Variants in CSMD3 observed in about 807,000 individuals in gnomAD.
CSMD3 encodes the protein CUB and Sushi multiple domains 3.
Under a neutral mutation model 435.2 loss-of-function variants are expected in CSMD3, and 177 were observed. The ratio of observed to expected loss-of-function variants is 0.41; its 90% CI spans 0.36 to 0.46. The LOEUF (loss-of-function observed/expected upper bound fraction) is 0.46, where lower values mean the gene tolerates loss of function less well. Among genes scored for constraint, CSMD3 ranks in the 20% least tolerant of loss-of-function variants. The pLI is 0.34. For synonymous variants in CSMD3, 1,656 were observed against 1,520.5 expected, an observed-to-expected ratio of 1.09 and a Z score of -2.07; for missense variants, 4,265 against 4,504.6, an observed-to-expected ratio of 0.95 and a Z score of 1.52.
intron 3 of CSMD3, among the ~76,000 whole-genome samples, chr8:113,205,664 C>T (rs1207196227): frequency 1.3e-5 from 2 of 152,112 alleles, no homozygotes; most frequent in African/African-American, 4.8e-5. Flanking sequence ...ATAAAACAAC[C>T]TTTTCTCTCT....
intron 20 of CSMD3, among the ~76,000 whole-genome samples, chr8:112,640,946 T>C (rs1285908290): frequency 6.6e-6 from 1 of 152,184 alleles, no homozygotes; most frequent in Non-Finnish European, 1.5e-5. Flanking sequence ...TGTTCTGAAA[T>C]ACATAGAATG....
chr8:112,482,980 C>A (rs1819778222), intron 31 of CSMD3, among the ~76,000 whole-genome samples: 1 of 152,110 alleles, frequency 6.6e-6, no homozygotes, highest in Non-Finnish European at 1.5e-5. Context: ...CATGTCTTTT[C>A]TGCATACTAT....
At chr8:112,338,302 C>T (rs899546538) in intron 42 of CSMD3, among the ~76,000 whole-genome samples, 2 of 152,058 alleles carry the variant, frequency 1.3e-5, no homozygotes, top group Admixed American at 6.6e-5. Flanking sequence ...TTGGGCAATG[C>T]AGTATAATTG....
chr8:112,837,893 TTTAA>T (rs1587440735), intron 11 of CSMD3, among the ~76,000 whole-genome samples: 1 of 151,846 alleles, frequency 6.6e-6, no homozygotes, highest in Non-Finnish European at 1.5e-5. Flanking sequence ...ATATAAAAAC[TTTAA>T]TTAATCTCAA....
intron 50 of CSMD3, among the ~76,000 whole-genome samples, chr8:112,306,667 A>G (rs1304172273): frequency 2.6e-5 from 4 of 152,180 alleles, no homozygotes; most frequent in Admixed American, 2.6e-4. Flanking sequence ...ATTTTACCTG[A>G]AAGCTGGCTA....
At chr8:112,242,694 T>C (rs1031212464) in intron 65 of CSMD3, among the ~76,000 whole-genome samples, 5 of 152,098 alleles carry the variant, frequency 3.3e-5, no homozygotes, top group African/African-American at 4.8e-5. Context: ...GGAAACTATA[T>C]AGATAAAAGA....
intron 1 of CSMD3, among the ~76,000 whole-genome samples, chr8:113,420,712 C>T (rs77559488): frequency 0.023 from 3,423 of 151,988 alleles, 111 homozygotes; most frequent in African/African-American, 0.077. Flanking sequence ...TTTCGGGAGG[C>T]GGAGGCGGAT....
chr8:112,362,322 C>T (rs907825170), intron 38 of CSMD3, among the ~76,000 whole-genome samples: 2 of 151,926 alleles, frequency 1.3e-5, no homozygotes, highest in Admixed American at 6.6e-5. Context: ...GGCAGCAATG[C>T]TTTGGGAACA....
chr8:112,341,440 G>C, intron 42 of CSMD3, 37 bp downstream of exon 42: 1 of 1,247,222 alleles, frequency 8.0e-7, no homozygotes, highest in Non-Finnish European at 1.2e-6. Context: ...GCTGATTTGG[G>C]GTTATATAAA....
chr8:112,935,528 ATCTT>A (rs2083254223), intron 9 of CSMD3, among the ~76,000 whole-genome samples: 1 of 152,062 alleles, frequency 6.6e-6, no homozygotes, highest in African/African-American at 2.4e-5. Context: ...AGCATGGGAT[ATCTT>A]TCTATTTATT....
At chr8:112,511,971 A>G (rs368603511) in intron 28 of CSMD3, among the ~76,000 whole-genome samples, 95 of 152,272 alleles carry the variant, frequency 6.2e-4, no homozygotes, top group African/African-American at 2.1e-3. Context: ...TTCAAGTTTT[A>G]TCATGAGATT....
intron 4 of CSMD3, among the ~76,000 whole-genome samples, chr8:113,157,990 G>A (rs570898118): frequency 6.6e-6 from 1 of 152,142 alleles, no homozygotes; most frequent in East Asian, 1.9e-4. Flanking sequence ...CTTTCATCAT[G>A]AAGAATTTTG....
At position 112,800,200 on chromosome 8, in the gene CSMD3, T is replaced by C; in HGVS notation, c.1934A>G (p.Glu645Gly). Residue 645 changes from glutamate to glycine, a missense_variant, in exon 13 of 71, where the codon GAA becomes GGA. Around this residue, in one of 3 missense-constraint regions of CSMD3, gnomAD observed 279 missense variants for 369.0 expected, o/e 0.76. Coordinates refer to ENST00000297405, the MANE Select transcript of CSMD3 (RefSeq NM_198123.2). ...CTTGAAACCAACAGATCCAACACTT[T>C]CGTCCGTTTGAAGGTGCAGCCACAT... is the stretch of plus-strand genomic sequence containing the variant. ...SQMWLHLQTD[E>G]SVGSVGFKVN... is the part of the protein sequence containing the mutation. 1.2e-6 allele frequency: 2 copies of C among 1,612,868 alleles called. No homozygotes were observed. Among genetic ancestry groups the C allele is most frequent in the Non-Finnish European group, 1.7e-6 (2 of 1,179,038 alleles).
At chr8:113,434,725 A>G (rs1040955514) in intron 1 of CSMD3, among the ~76,000 whole-genome samples, 26 of 152,340 alleles carry the variant, frequency 1.7e-4, no homozygotes, top group African/African-American at 5.3e-4. Flanking sequence ...AACCGATTAT[A>G]TCAGTCCAAA....
At chr8:112,929,275 C>T (rs1350362933) in intron 9 of CSMD3, among the ~76,000 whole-genome samples, 2 of 148,628 alleles carry the variant, frequency 1.3e-5, no homozygotes, top group Non-Finnish European at 3.0e-5. Context: ...ATACCTAATG[C>T]TAGATGACGA....
chr8:113,098,575 A>AT (rs2090235524), intron 5 of CSMD3, 181 bp downstream of exon 5: 1 of 594,400 alleles, frequency 1.7e-6, no homozygotes, highest in East Asian at 2.8e-5. Context: ...AATTTCATCT[A>AT]TTTTTTATGT....
intron 4 of CSMD3, among the ~76,000 whole-genome samples, chr8:113,170,258 C>T (rs1268309612): frequency 6.6e-6 from 1 of 150,548 alleles, no homozygotes; most frequent in Non-Finnish European, 1.5e-5. Flanking sequence ...ACTACACACA[C>T]TGCATATACA....
At chr8:112,402,225 A>T (rs1036998137) in intron 35 of CSMD3, among the ~76,000 whole-genome samples, 2 of 152,174 alleles carry the variant, frequency 1.3e-5, no homozygotes, top group Non-Finnish European at 2.9e-5. Flanking sequence ...ATTGTAACTC[A>T]CTTCAATTCA....
intron 32 of CSMD3, among the ~76,000 whole-genome samples, chr8:112,457,052 T>C (rs1021860561): frequency 3.3e-5 from 5 of 152,130 alleles, no homozygotes; most frequent in African/African-American, 1.2e-4. Flanking sequence ...GTGACATTCA[T>C]TAATGTTTTC....
Sources: gnomAD v4.1 joint callset for allele counts (sites outside exome capture counted in the v4.1 genomes callset) on GRCh38, gnomAD v4.1.1 for gene constraint, gnomAD v4.1.1 regional missense constraint, MANE v1.5 for transcripts, NCBI Gene and HGNC (gene_info 2026-07-23, HGNC 2026-07-21) for gene names.